ADGRB3: variants seen among roughly 807,000 people sequenced by gnomAD.
ADGRB3 encodes the protein brain-specific angiogenesis inhibitor 3.
Under a neutral mutation model 193.4 loss-of-function variants are expected in ADGRB3, and 37 were observed. The ratio of observed to expected loss-of-function variants is 0.19; its 90% CI spans 0.15 to 0.25. ADGRB3 has a LOEUF of 0.25. Among genes scored for constraint, ADGRB3 ranks in the 10% least tolerant of loss-of-function variants. The probability of loss-of-function intolerance (pLI) is 1.00; values close to 1 mark genes in which losing one functional copy is unlikely to be tolerated. For synonymous variants in ADGRB3, 690 were observed against 644.2 expected (o/e 1.07, Z -1.08); for missense variants, 1,637 against 1,852.9 (o/e 0.88, Z 2.14).
intron 20 of ADGRB3, among the ~76,000 whole-genome samples, chr6:69,285,672 A>AAAAT (rs1189537986): frequency 1.6e-4 from 25 of 152,112 alleles, no homozygotes; most frequent in Admixed American, 3.9e-4. Flanking sequence ...CTCCATCTTA[A>AAAAT]AAATAAATAA....
intron 3 of ADGRB3, among the ~76,000 whole-genome samples, chr6:68,859,759 A>G (rs1219760757): frequency 6.6e-6 from 1 of 152,108 alleles, no homozygotes; most frequent in Non-Finnish European, 1.5e-5. Context: ...TGGGAGCTAC[A>G]ATTCAAGATG....
chr6:69,238,458 A>T (rs115466545), intron 19 of ADGRB3, among the ~76,000 whole-genome samples: 305 of 152,194 alleles, frequency 2.0e-3, no homozygotes, highest in African/African-American at 6.9e-3. Flanking sequence ...TAAGGGTAAA[A>T]TATGGCAGAT....
At chr6:69,181,366 T>A (rs899780653) in intron 17 of ADGRB3, among the ~76,000 whole-genome samples, 66 of 152,312 alleles carry the variant, frequency 4.3e-4, no homozygotes, top group African/African-American at 1.5e-3. Context: ...TCTTATTTTT[T>A]TAAAAAAATA....
At position 68,943,964 on chromosome 6, in the gene ADGRB3, C is replaced by T. The variant is rs1767705759; in HGVS notation, c.1165C>T (p.His389Tyr). Reference sequence around the variant, plus strand: ...GCCGTGTGAAGGACCTGAAACACATCATAAGCCTTGTAATATTGCTCTTTG... The same window carrying T: ...GCCGTGTGAAGGACCTGAAACACATTATAAGCCTTGTAATATTGCTCTTTG... ...GRPCEGPETH[H>Y]KPCNIALCPV... Residue 389 changes from histidine to tyrosine, a missense_variant, in exon 6 of 32, where the codon CAT becomes TAT. Physicochemically the swap from His to Tyr is moderately conservative, Grantham distance 83. Coordinates refer to ENST00000370598, the MANE Select transcript of ADGRB3 (RefSeq NM_001704.3). 1 of 1,613,406 alleles carries T rather than the reference C, an allele frequency of 6.2e-7. No homozygotes were observed. The highest frequency in any genetic ancestry group is 8.5e-7 in the Non-Finnish European group (1 of 1,179,506).
At chr6:69,301,296 G>A (rs1028550639) in intron 20 of ADGRB3, among the ~76,000 whole-genome samples, 11 of 151,394 alleles carry the variant, frequency 7.3e-5, no homozygotes, top group African/African-American at 1.9e-4. Flanking sequence ...ATTCACTGTC[G>A]AGAGAAATAT....
At chr6:69,206,973 G>A (rs1345271933) in intron 17 of ADGRB3, among the ~76,000 whole-genome samples, 1 of 152,140 alleles carries the variant, frequency 6.6e-6, no homozygotes, top group Non-Finnish European at 1.5e-5. Context: ...AATACCAAGA[G>A]ACACCCTAAA....
At chr6:69,044,767 C>T (rs571047677) in intron 13 of ADGRB3, among the ~76,000 whole-genome samples, 1 of 152,286 alleles carries the variant, frequency 6.6e-6, no homozygotes, top group African/African-American at 2.4e-5. Flanking sequence ...AATGAAAACA[C>T]GATACAGTGA....
At chr6:68,727,690 AG>A (rs1359051920) in intron 3 of ADGRB3, among the ~76,000 whole-genome samples, 1 of 151,538 alleles carries the variant, frequency 6.6e-6, no homozygotes, top group Admixed American at 6.6e-5. Context: ...TTAATATTAA[AG>A]GGCTTTTAAG....
chr6:69,108,908 T>G (rs1214966258), intron 17 of ADGRB3, among the ~76,000 whole-genome samples: 1 of 152,066 alleles, frequency 6.6e-6, no homozygotes, highest in African/African-American at 2.4e-5. Context: ...ACTTTAAGAG[T>G]GAAGGTGATA....
At chr6:69,156,041 GTTAAT>G (rs1774829846) in intron 17 of ADGRB3, among the ~76,000 whole-genome samples, 1 of 151,890 alleles carries the variant, frequency 6.6e-6, no homozygotes. Context: ...ACATATGCTC[GTTAAT>G]TTAATTTAAA....
At chr6:69,036,721 A>G (rs548199402) in intron 13 of ADGRB3, among the ~76,000 whole-genome samples, 41 of 152,290 alleles carry the variant, frequency 2.7e-4, no homozygotes, top group African/African-American at 9.4e-4. Context: ...AGTTAGAAAG[A>G]AAAAGCCCTG....
At chr6:68,988,632 G>A (rs529102377) in intron 10 of ADGRB3, among the ~76,000 whole-genome samples, 3 of 152,084 alleles carry the variant, frequency 2.0e-5, no homozygotes, top group African/African-American at 7.2e-5. Context: ...TAACGCAGGG[G>A]GATATCAAAG....
chr6:68,840,369 C>CTTTTTTTTTTTTTTTTTTTTTTTTTT (rs752625602), intron 3 of ADGRB3, among the ~76,000 whole-genome samples: 1 of 69,426 alleles, frequency 1.4e-5, no homozygotes, highest in African/African-American at 7.5e-5. Flanking sequence ...ACTGGGCAGT[C>CTTTTTTTTTTTTTTTTTTTTTTTTTT]TTTTTTTTTT....
intron 3 of ADGRB3, among the ~76,000 whole-genome samples, chr6:68,678,582 T>C (rs1275911717): frequency 1.3e-5 from 2 of 152,182 alleles, no homozygotes; most frequent in African/African-American, 4.8e-5. Flanking sequence ...ATTCAGAATA[T>C]GGGTGTAATC....
At chr6:68,738,375 A>G (rs775262006) in intron 3 of ADGRB3, among the ~76,000 whole-genome samples, 14 of 152,116 alleles carry the variant, frequency 9.2e-5, no homozygotes, top group Non-Finnish European at 1.8e-4. Context: ...AAAGAGTGAC[A>G]TTATCTGACA....
At chr6:68,784,708 T>A (rs547846520) in intron 3 of ADGRB3, among the ~76,000 whole-genome samples, 1 of 152,254 alleles carries the variant, frequency 6.6e-6, no homozygotes, top group Non-Finnish European at 1.5e-5. Flanking sequence ...TAGAAATGCA[T>A]TTCTGGTCTG....
intron 3 of ADGRB3, among the ~76,000 whole-genome samples, chr6:68,753,997 G>GA (rs35542965): frequency 6.6e-6 from 1 of 152,190 alleles, no homozygotes; most frequent in African/African-American, 2.4e-5. Context: ...GTAACACCTA[G>GA]AAATATGAAG....
chr6:68,681,487 T>C (rs1434529334), intron 3 of ADGRB3, among the ~76,000 whole-genome samples: 1 of 152,050 alleles, frequency 6.6e-6, no homozygotes, highest in Non-Finnish European at 1.5e-5. Context: ...GCGATGTTGC[T>C]CAGTCTGGTC....
chr6:68,998,286 T>C (rs1324326882), intron 11 of ADGRB3, among the ~76,000 whole-genome samples: 1 of 152,192 alleles, frequency 6.6e-6, no homozygotes, highest in Non-Finnish European at 1.5e-5. Context: ...AGAGCAATAA[T>C]TTGCTGCCAT....
Sources: gnomAD v4.1 joint callset for allele counts (sites outside exome capture counted in the v4.1 genomes callset) on GRCh38, gnomAD v4.1.1 for gene constraint, MANE v1.5 for transcripts, NCBI Gene and HGNC (gene_info 2026-07-23, HGNC 2026-07-21) for gene names.